The following COL21A1 variants were observed in gnomAD, a reference collection of about 807,000 sequenced individuals.
COL21A1 encodes collagen alpha-1(XXI) chain.
A neutral mutation model predicts 137.9 loss-of-function variants in COL21A1; 149 were observed. The ratio of observed to expected loss-of-function variants is 1.08; its 90% CI spans 0.95 to 1.24. The LOEUF (loss-of-function observed/expected upper bound fraction) is 1.24. Ranked by LOEUF, COL21A1 falls within the 50% of genes most tolerant of loss-of-function variation. The probability of loss-of-function intolerance (pLI) is 0.00; values close to 1 mark genes in which losing one functional copy is unlikely to be tolerated. For synonymous variants in COL21A1, 456 were observed against 391.5 expected (o/e 1.16, Z -1.95); for missense variants, 1,167 against 1,158.4 (o/e 1.01, Z -0.11).
chr6:56,162,832 AATTTTATAAGT>A, intron 9 of COL21A1, among the ~76,000 whole-genome samples: 1 of 152,348 alleles, frequency 6.6e-6, no homozygotes, highest in African/African-American at 2.4e-5. Flanking sequence ...CTCCCAGGAG[AATTTTATAAGT>A]ATTTCTCCTT....
chr6:56,073,815 T>G (rs1208632152), intron 20 of COL21A1, among the ~76,000 whole-genome samples: 1 of 151,590 alleles, frequency 6.6e-6, no homozygotes, highest in South Asian at 2.1e-4. Flanking sequence ...TAGTATAATT[T>G]ACAAGGCACT....
rs1165218090 is a variant in COL21A1, at chr6:56,150,354, T to G, written c.1434+6533A>C. ...TAACACGGTGAAACCCCATCTCTAC[T>G]AAAAATACAAAAAATTAGCAGGGCG... On this transcript the variant is annotated intron_variant, in intron 10 of 29. Coordinates refer to ENST00000244728, the MANE Select transcript of COL21A1 (RefSeq NM_030820.4). Among the ~76,000 whole-genome samples the G allele has an allele frequency of 4.6e-5, 7 of 152,092 alleles. No homozygotes were observed. The East Asian group carries it at 1.4e-3, about 29-fold the overall frequency.
intron 17 of COL21A1, among the ~76,000 whole-genome samples, chr6:56,088,891 AT>A (rs749607213): frequency 6.6e-6 from 1 of 152,048 alleles, no homozygotes; most frequent in Non-Finnish European, 1.5e-5. Flanking sequence ...GGCTCAGGTG[AT>A]CCCCCCACCT....
At chr6:56,317,919 T>C (rs1764777213) in intron 1 of COL21A1, among the ~76,000 whole-genome samples, 1 of 152,182 alleles carries the variant, frequency 6.6e-6, no homozygotes, top group African/African-American at 2.4e-5. Flanking sequence ...TAAGCGTGTT[T>C]TTAATTGTAG....
At chr6:56,353,135 G>A (rs953924243) in intron 1 of COL21A1, among the ~76,000 whole-genome samples, 1 of 152,164 alleles carries the variant, frequency 6.6e-6, no homozygotes, top group Non-Finnish European at 1.5e-5. Flanking sequence ...CCATCATGAA[G>A]TGGAGTTCAA....
At chr6:56,191,207 C>T (rs1362474115) in intron 1 of COL21A1, among the ~76,000 whole-genome samples, 1 of 152,104 alleles carries the variant, frequency 6.6e-6, no homozygotes, top group Non-Finnish European at 1.5e-5. Context: ...TAGAAAAACC[C>T]ATTGTCTCAG....
intron 20 of COL21A1, among the ~76,000 whole-genome samples, chr6:56,072,065 G>A (rs994190027): frequency 6.6e-6 from 1 of 151,448 alleles, no homozygotes; most frequent in Admixed American, 6.6e-5. Flanking sequence ...AAGTGAGAAC[G>A]TGTGATGTTT....
chr6:56,162,692 C>T (rs751274450), intron 9 of COL21A1, among the ~76,000 whole-genome samples: 2 of 152,140 alleles, frequency 1.3e-5, no homozygotes, highest in Non-Finnish European at 2.9e-5. Flanking sequence ...TCTCTAATTT[C>T]TACATTATAT....
intron 23 of COL21A1, among the ~76,000 whole-genome samples, chr6:56,065,435 C>T (rs570238077): frequency 1.3e-5 from 2 of 152,146 alleles, no homozygotes; most frequent in East Asian, 3.9e-4. Flanking sequence ...CTTCAAGTCA[C>T]TCACTGTGTG....
In COL21A1 at chr6:56,276,572, T is replaced by C. The variant is rs1763661010; in HGVS notation, c.-38-93916A>G. 3.6e-6 allele frequency: 5 copies of C among 1,379,272 alleles called. No individual in the cohort carries two copies. The South Asian group carries it at 4.7e-5, about 13-fold the overall frequency. The allele number at this position is 1,379,272 out of a possible 1,614,324, so 85.4% of individuals were successfully genotyped here. ...TTCAAATTTGTACTTAATGCCTTTC[T>C]CCTCCTGGACATCAGAGAGAACGCC... On this transcript the variant is annotated intron_variant, in intron 1 of 28. Transcript: ENST00000370819.
chr6:56,124,465 T>C (rs1279315704), intron 14 of COL21A1, among the ~76,000 whole-genome samples, 173 bp from the exon 15 acceptor site: 1 of 152,158 alleles, frequency 6.6e-6, no homozygotes, highest in East Asian at 1.9e-4. Flanking sequence ...GTGGATGCAA[T>C]ATCAAGACAT....
intron 1 of COL21A1, among the ~76,000 whole-genome samples, chr6:56,385,374 T>C (rs1009924577): frequency 2.0e-5 from 3 of 152,210 alleles, no homozygotes; most frequent in Non-Finnish European, 4.4e-5. Flanking sequence ...CATTCCTTTC[T>C]GGAAGCTTGA....
intron 1 of COL21A1, among the ~76,000 whole-genome samples, chr6:56,268,059 C>G (rs9382599): frequency 0.26 from 39,485 of 152,064 alleles, 6,391 homozygotes; most frequent in East Asian, 0.67. Context: ...AACCAGAGGC[C>G]GTTCCCAGTA....
intron 1 of COL21A1, among the ~76,000 whole-genome samples, chr6:56,382,345 G>A (rs935065471): frequency 6.6e-6 from 1 of 152,160 alleles, no homozygotes; most frequent in Non-Finnish European, 1.5e-5. Context: ...AAAATGAAGT[G>A]GATATGTTGT....
At chr6:56,251,307 A>C (rs1183331622), upstream of COL21A1, among the ~76,000 whole-genome samples, 3 of 152,230 alleles carry the variant, frequency 2.0e-5, no homozygotes, top group African/African-American at 7.2e-5. Flanking sequence ...AATTATATTT[A>C]ATCAATCTAC....
intron 1 of COL21A1, among the ~76,000 whole-genome samples, chr6:56,346,325 T>C (rs1582796464): frequency 1.3e-5 from 2 of 152,326 alleles, no homozygotes; most frequent in South Asian, 4.1e-4. Flanking sequence ...TCAAATTTAT[T>C]TGGTGGATTG....
intron 16 of COL21A1, among the ~76,000 whole-genome samples, chr6:56,116,881 T>C (rs189534087): frequency 6.6e-6 from 1 of 152,204 alleles, no homozygotes; most frequent in Non-Finnish European, 1.5e-5. Flanking sequence ...AGCATTAAGT[T>C]GTTATCAGTT....
intron 1 of COL21A1, among the ~76,000 whole-genome samples, chr6:56,307,169 C>T (rs11961154): frequency 0.025 from 3,754 of 152,350 alleles, 169 homozygotes; most frequent in African/African-American, 0.086. Flanking sequence ...ACTTGGGGGT[C>T]AGGGACCCAC....
intron 1 of COL21A1, among the ~76,000 whole-genome samples, chr6:56,253,551 A>G (rs1294133188): frequency 6.6e-6 from 1 of 152,236 alleles, no homozygotes; most frequent in Non-Finnish European, 1.5e-5. Context: ...AGCTACTGAC[A>G]TCATTAGAGT....
Sources: allele counts gnomAD v4.1 joint callset (sites outside exome capture counted in the v4.1 genomes callset), GRCh38; gene constraint gnomAD v4.1.1; transcripts MANE v1.5; gene names NCBI Gene and HGNC (gene_info 2026-07-23, HGNC 2026-07-21).